Variants in NYAP2 observed in about 807,000 individuals in gnomAD.
NYAP2 encodes the protein neuronal tyrosine-phosphorylated phosphoinositide-3-kinase adapter 2.
A neutral mutation model predicts 50.4 loss-of-function variants in NYAP2; 23 were observed. The observed-to-expected ratio is 0.46, with a 90% CI of 0.33 to 0.65. The LOEUF (loss-of-function observed/expected upper bound fraction) is 0.65, where lower values mean the gene tolerates loss of function less well. NYAP2 is among the 30% of genes least tolerant of loss of function. The pLI is 0.02. For missense variants in NYAP2, 885 were observed against 861.0 expected, an observed-to-expected ratio of 1.03 and a Z score of -0.35; for synonymous variants, 394 against 365.2, an observed-to-expected ratio of 1.08 and a Z score of -0.90.
chr2:225,446,246 C>CTATATATATA (rs58633886), intron 3 of NYAP2, among the ~76,000 whole-genome samples: 2 of 82,282 alleles, frequency 2.4e-5, no homozygotes, highest in African/African-American at 5.9e-5. Flanking sequence ...CTCTCTCTCT[C>CTATATATATA]TATATATATA....
At chr2:225,481,873 C>A (rs1277351266) in intron 3 of NYAP2, among the ~76,000 whole-genome samples, 2 of 152,014 alleles carry the variant, frequency 1.3e-5, no homozygotes, top group African/African-American at 2.4e-5. Flanking sequence ...AATGAGGAGG[C>A]AAACCCAAGG....
intron 5 of NYAP2, among the ~76,000 whole-genome samples, chr2:225,596,900 A>T (rs947244150): frequency 6.6e-6 from 1 of 152,210 alleles, no homozygotes; most frequent in Non-Finnish European, 1.5e-5. Flanking sequence ...ATGGTATTGA[A>T]TACAGTCCAT....
chr2:225,560,944 T>TTA (rs1237694575), intron 4 of NYAP2, among the ~76,000 whole-genome samples: 1 of 151,566 alleles, frequency 6.6e-6, no homozygotes. Context: ...TTTTTTTTTT[T>TTA]TTTTGGTGGC....
intron 4 of NYAP2, among the ~76,000 whole-genome samples, chr2:225,519,192 A>G (rs186517632): frequency 8.5e-4 from 130 of 152,082 alleles, no homozygotes; most frequent in Non-Finnish European, 3.7e-4. Context: ...AAGTATTCCC[A>G]AGGCATAATC....
intron 5 of NYAP2, among the ~76,000 whole-genome samples, chr2:225,617,580 G>A (rs985107996): frequency 6.6e-6 from 1 of 152,076 alleles, no homozygotes; most frequent in African/African-American, 2.4e-5. Flanking sequence ...TAGGAGAATA[G>A]AATCTTAAAT....
chr2:225,641,871 G>A (rs1214283585), intron 6 of NYAP2, among the ~76,000 whole-genome samples: 1 of 150,148 alleles, frequency 6.7e-6, no homozygotes, highest in Admixed American at 6.6e-5. Flanking sequence ...TTTTTTTTCT[G>A]GAAACATGGG....
rs1478608222 is a variant in NYAP2 at position 225,433,829 on chromosome 2, A to AAG, written c.221+24729_221+24730insGA. On this transcript the variant is annotated intron_variant, in intron 3 of 6. Transcript: ENST00000636099. ...GAGACTCCGTCTCAAAAAAAAAAAA[A>AAG]AAAAAAAAAAAGAATTATTAGAGTC... 3.1e-3 allele frequency among the ~76,000 whole-genome samples: 465 copies of AAG among 149,326 alleles called. 5 individuals are homozygous for AAG. The highest frequency in any genetic ancestry group is 5.5e-3 in the Non-Finnish European group (373 of 67,594).
the NYAP2 span, among the ~76,000 whole-genome samples, chr2:225,668,129 A>G: frequency 1.3e-5 from 2 of 152,144 alleles, no homozygotes; most frequent in Admixed American, 6.5e-5. Context: ...TGTTTCTCCA[A>G]ATCTCCTGAA....
In NYAP2 at chr2:225,511,825, C is replaced by T. The variant is rs568394335; in HGVS notation, c.222-1546C>T. Among the ~76,000 whole-genome samples, 54 of 152,182 alleles carry T rather than the reference C, an allele frequency of 3.5e-4. No homozygotes were observed. In the South Asian group the frequency reaches 5.8e-3, roughly 16 times the overall value. On this transcript the variant is annotated intron_variant, in intron 3 of 6. Transcript: ENST00000636099. ...TAACGATATGAAAGATATAAAATTCCATCATATTATGAAGGCAGAGCCAGC... is the reference window on the plus strand; with the variant it reads ...TAACGATATGAAAGATATAAAATTCTATCATATTATGAAGGCAGAGCCAGC...
At chr2:225,430,281 AG>A (rs1330859568) in intron 3 of NYAP2, among the ~76,000 whole-genome samples, 5 of 152,240 alleles carry the variant, frequency 3.3e-5, no homozygotes, top group African/African-American at 9.6e-5. Flanking sequence ...TCAAAATCTT[AG>A]AACATGAATA....
intron 5 of NYAP2, among the ~76,000 whole-genome samples, chr2:225,588,270 A>G (rs1193681669): frequency 6.6e-6 from 1 of 152,130 alleles, no homozygotes; most frequent in Non-Finnish European, 1.5e-5. Flanking sequence ...TTAAAATTAT[A>G]GATATAAATG....
At chr2:225,511,333 C>G (rs1690811048) in intron 3 of NYAP2, among the ~76,000 whole-genome samples, 1 of 92,744 alleles carries the variant, frequency 1.1e-5, no homozygotes, top group Admixed American at 9.9e-5. Flanking sequence ...TTAAAACACA[C>G]ACACACACAC....
At chr2:225,661,857 G>A in the NYAP2 span, among the ~76,000 whole-genome samples, 3 of 151,780 alleles carry the variant, frequency 2.0e-5, no homozygotes, top group Non-Finnish European at 4.4e-5. Context: ...CCAAGTAGTT[G>A]GGATTACAGA....
At chr2:225,625,054 A>AAC (rs1166606398) in intron 5 of NYAP2, among the ~76,000 whole-genome samples, 4 of 150,566 alleles carry the variant, frequency 2.7e-5, no homozygotes, top group African/African-American at 9.7e-5. Flanking sequence ...AAAAAAAAAA[A>AAC]AAAAAAAAAA....
At chr2:225,532,889 T>C (rs2106198324) in intron 4 of NYAP2, among the ~76,000 whole-genome samples, 1 of 152,308 alleles carries the variant, frequency 6.6e-6, no homozygotes, top group African/African-American at 2.4e-5. Flanking sequence ...AAGATGTCAT[T>C]AGTCAACAGA....
chr2:225,403,720 A>G (rs1429836445), intron 2 of NYAP2, among the ~76,000 whole-genome samples: 1 of 151,962 alleles, frequency 6.6e-6, no homozygotes, highest in African/African-American at 2.4e-5. Flanking sequence ...ATACCTTAAT[A>G]AAAGATAAAA....
intron 3 of NYAP2, among the ~76,000 whole-genome samples, chr2:225,464,992 C>A (rs1689893939): frequency 6.6e-6 from 1 of 152,124 alleles, no homozygotes; most frequent in South Asian, 2.1e-4. Flanking sequence ...CAATTACTGG[C>A]AAAAGTTATG....
chr2:225,427,690 C>T (rs1469585263), intron 3 of NYAP2, among the ~76,000 whole-genome samples: 4 of 152,214 alleles, frequency 2.6e-5, no homozygotes, highest in Non-Finnish European at 4.4e-5. Context: ...GCATTCTTTA[C>T]ATAATCTACA....
chr2:225,560,868 T>C (rs1375552404), intron 4 of NYAP2, among the ~76,000 whole-genome samples: 2 of 150,906 alleles, frequency 1.3e-5, no homozygotes, highest in Non-Finnish European at 3.0e-5. Flanking sequence ...CTAGCTTTTA[T>C]AAATAAATTT....
Sources: gnomAD v4.1 joint callset for allele counts (sites outside exome capture counted in the v4.1 genomes callset) on GRCh38, gnomAD v4.1.1 for gene constraint, MANE v1.5 for transcripts, NCBI Gene and HGNC (gene_info 2026-07-23, HGNC 2026-07-21) for gene names.